The following REDIC1 variants were observed in gnomAD, a reference collection of about 807,000 sequenced individuals.
REDIC1 encodes regulator of DNA class I crossover intermediates 1.
the REDIC1 span, among the ~76,000 whole-genome samples, chr12:39,733,021 C>T: frequency 1.3e-5 from 2 of 150,538 alleles, no homozygotes; most frequent in Non-Finnish European, 2.9e-5. Flanking sequence ...GCTAGATTGG[C>T]CATTGGGTCA....
chr12:39,784,561 T>C, the REDIC1 span, among the ~76,000 whole-genome samples: 7 of 152,148 alleles, frequency 4.6e-5, no homozygotes, highest in Non-Finnish European at 1.0e-4. Context: ...TTACACCTTA[T>C]ACAAACATTA....
chr12:39,669,749 G>A, the REDIC1 span, among the ~76,000 whole-genome samples: 3 of 152,196 alleles, frequency 2.0e-5, no homozygotes, highest in South Asian at 2.1e-4. Flanking sequence ...AGCCTCCGCC[G>A]TGGTGGGCGC....
At chr12:39,778,367 A>C in the REDIC1 span, among the ~76,000 whole-genome samples, 2 of 152,100 alleles carry the variant, frequency 1.3e-5, no homozygotes, top group Non-Finnish European at 2.9e-5. Context: ...ACTTATTGCC[A>C]GCTCTTGGGG....
the REDIC1 span, among the ~76,000 whole-genome samples, chr12:39,712,993 ACG>A: frequency 4.2e-5 from 6 of 142,768 alleles, no homozygotes; most frequent in Admixed American, 4.2e-4. Flanking sequence ...ATGTGTATAT[ACG>A]TGTATATGTA....
At chr12:39,697,059 C>G in the REDIC1 span, among the ~76,000 whole-genome samples, 2 of 152,038 alleles carry the variant, frequency 1.3e-5, no homozygotes, top group Non-Finnish European at 2.9e-5. Flanking sequence ...AAGACTACCT[C>G]AAGGCATTTA....
the REDIC1 span, among the ~76,000 whole-genome samples, chr12:39,774,184 A>G: frequency 1.4e-4 from 21 of 152,338 alleles, no homozygotes; most frequent in East Asian, 3.5e-3. Context: ...AGCACAGAGT[A>G]TCTCTCCAGG....
the REDIC1 span, among the ~76,000 whole-genome samples, chr12:39,843,792 A>G: frequency 2.6e-5 from 4 of 151,970 alleles, no homozygotes; most frequent in African/African-American, 4.8e-5. Context: ...TTAAACCACA[A>G]AGATTTTGTT....
At chr12:39,711,220 T>C in the REDIC1 span, among the ~76,000 whole-genome samples, 2 of 150,850 alleles carry the variant, frequency 1.3e-5, no homozygotes, top group Admixed American at 6.7e-5. Flanking sequence ...GCTGCGTTTT[T>C]AATCTACCAT....
At chr12:39,682,838 T>A in the REDIC1 span, 1 of 1,612,216 alleles carries the variant, frequency 6.2e-7, no homozygotes, top group Non-Finnish European at 8.5e-7. Flanking sequence ...CAAAATATGA[T>A]CAATGTATTA....
At chr12:39,781,353 C>T in the REDIC1 span, among the ~76,000 whole-genome samples, 1 of 149,330 alleles carries the variant, frequency 6.7e-6, no homozygotes, top group Non-Finnish European at 1.5e-5. Flanking sequence ...TAAAAAGAGC[C>T]CAGCTTCCCA....
the REDIC1 span, among the ~76,000 whole-genome samples, chr12:39,890,831 CTA>C: frequency 6.6e-6 from 1 of 151,928 alleles, no homozygotes; most frequent in Non-Finnish European, 1.5e-5. Flanking sequence ...TTCTATACAG[CTA>C]TGAAAAATGT....
At chr12:39,823,942 C>T in the REDIC1 span, among the ~76,000 whole-genome samples, 1 of 151,936 alleles carries the variant, frequency 6.6e-6, no homozygotes, top group Non-Finnish European at 1.5e-5. Flanking sequence ...AGTTTCCTTT[C>T]CTGGAAATAA....
chr12:39,849,883 G>A, the REDIC1 span, among the ~76,000 whole-genome samples: 1 of 151,800 alleles, frequency 6.6e-6, no homozygotes, highest in Non-Finnish European at 1.5e-5. Context: ...AAGCTCTGTT[G>A]TTGTTTTTTA....
At chr12:39,863,868 G>A in the REDIC1 span, among the ~76,000 whole-genome samples, 11 of 152,168 alleles carry the variant, frequency 7.2e-5, no homozygotes, top group African/African-American at 2.7e-4. Flanking sequence ...AATACCAAGT[G>A]GAGTTTAGGG....
chr12:39,873,675 C>G, the REDIC1 span, among the ~76,000 whole-genome samples: 1 of 152,072 alleles, frequency 6.6e-6, no homozygotes, highest in Non-Finnish European at 1.5e-5. Context: ...TTGATGCTTT[C>G]ATTTTCAATA....
chr12:39,812,834 C>A, the REDIC1 span, among the ~76,000 whole-genome samples: 1 of 143,464 alleles, frequency 7.0e-6, no homozygotes, highest in Non-Finnish European at 1.5e-5. Context: ...TGTAGTATTA[C>A]CTTTTTTTTT....
At chr12:39,638,782 A>G in the REDIC1 span, among the ~76,000 whole-genome samples, 1 of 152,010 alleles carries the variant, frequency 6.6e-6, no homozygotes, top group African/African-American at 2.4e-5. Flanking sequence ...TGCTAGGCTG[A>G]TGTCGATATT....
the REDIC1 span, among the ~76,000 whole-genome samples, chr12:39,812,483 C>CT: frequency 2.9e-4 from 43 of 148,792 alleles, no homozygotes; most frequent in African/African-American, 1.1e-3. Context: ...CCCCTTCTCT[C>CT]TTTTTGTGAG....
At chr12:39,661,251 G>C in the REDIC1 span, among the ~76,000 whole-genome samples, 1 of 152,098 alleles carries the variant, frequency 6.6e-6, no homozygotes, top group African/African-American at 2.4e-5. Context: ...CGTAATGACA[G>C]TACTAATTTA....
Sources: gnomAD v4.1 joint callset for allele counts (sites outside exome capture counted in the v4.1 genomes callset) on GRCh38, gnomAD v4.1.1 for gene constraint, MANE v1.5 for transcripts, NCBI Gene and HGNC (gene_info 2026-07-23, HGNC 2026-07-21) for gene names.